SPA17: variants seen among roughly 807,000 people sequenced by gnomAD.
SPA17 encodes the protein sperm autoantigenic protein 17, also known as sperm surface protein Sp17.
Under a neutral mutation model 13.8 loss-of-function variants are expected in SPA17, and 7 were observed. That is an observed-to-expected ratio of 0.51 (90% CI 0.29 to 0.95). SPA17 has a LOEUF of 0.95. Among genes scored for constraint, SPA17 ranks in the 40% least tolerant of loss-of-function variants. SPA17 has a pLI of 0.08. For missense variants in SPA17, 170 were observed against 179.3 expected, an observed-to-expected ratio of 0.95 and a Z score of 0.30; for synonymous variants, 61 against 59.0, an observed-to-expected ratio of 1.03 and a Z score of -0.16.
At chr11:124,694,239 T>C in intron 4 of SPA17, 64 bp from the exon 5 acceptor site, 1 of 1,562,562 alleles carries the variant, frequency 6.4e-7, no homozygotes, top group South Asian at 1.2e-5. Context: ...CATCCATTTA[T>C]TTTTGTGGCA....
At chr11:124,683,468 A>G (rs1000297954) in intron 3 of SPA17, among the ~76,000 whole-genome samples, 2 of 152,014 alleles carry the variant, frequency 1.3e-5, no homozygotes, top group African/African-American at 4.8e-5. Flanking sequence ...ACATATCAAT[A>G]ATAACTTTAA....
At chr11:124,692,076 C>T (rs1943627814) in intron 4 of SPA17, among the ~76,000 whole-genome samples, 1 of 152,166 alleles carries the variant, frequency 6.6e-6, no homozygotes, top group Admixed American at 6.5e-5. Context: ...CAGTCATGAT[C>T]CTTCAGATTC....
In SPA17 at chr11:124,695,084, G is replaced by A. The variant is rs1372009828; in HGVS notation, c.*638G>A. 6.6e-6 allele frequency: 1 copy of A among 152,648 alleles called. No homozygotes were observed. The highest frequency in any genetic ancestry group is 1.5e-5 in the Non-Finnish European group (1 of 68,416). The allele number at this position is 152,648 out of a possible 1,614,324, so 9.5% of individuals were successfully genotyped here. On this transcript the variant is annotated 3_prime_UTR_variant, in exon 5 of 5. Coordinates refer to ENST00000227135, the MANE Select transcript of SPA17 (RefSeq NM_017425.4). ...ATCGCACCACTGCACTCCAGCCTGG[G>A]CGACAGAGCAAGACTCTGTCTCAAA...
chr11:124,679,914 TA>T (rs1408724953), intron 2 of SPA17, among the ~76,000 whole-genome samples: 1 of 152,188 alleles, frequency 6.6e-6, no homozygotes, highest in Non-Finnish European at 1.5e-5. Context: ...TCCATTTTCT[TA>T]AACATTCGTG....
chr11:124,676,806 G>C (rs765119217), intron 2 of SPA17, among the ~76,000 whole-genome samples: 8 of 152,076 alleles, frequency 5.3e-5, no homozygotes, highest in Non-Finnish European at 1.0e-4. Context: ...TGATTACCTT[G>C]GTGACAAAAT....
At chr11:124,689,200 T>TG (rs1943601934) in intron 3 of SPA17, among the ~76,000 whole-genome samples, 1 of 152,120 alleles carries the variant, frequency 6.6e-6, no homozygotes, top group South Asian at 2.1e-4. Context: ...GACCTAAAAC[T>TG]GTAAAAATAC....
chr11:124,682,478 A>G (rs763585015), intron 3 of SPA17, among the ~76,000 whole-genome samples: 5 of 152,194 alleles, frequency 3.3e-5, no homozygotes, highest in African/African-American at 1.2e-4. Context: ...CTGAAAACCA[A>G]TACAAAGAAC....
chr11:124,681,677 T>C (rs1565424335), intron 3 of SPA17, among the ~76,000 whole-genome samples: 1 of 151,970 alleles, frequency 6.6e-6, no homozygotes, highest in Non-Finnish European at 1.5e-5. Context: ...TTAAAACTTA[T>C]TAAATTAAAA....
chr11:124,690,028 T>TAAA (rs1453490962), intron 3 of SPA17, among the ~76,000 whole-genome samples: 3 of 152,294 alleles, frequency 2.0e-5, no homozygotes, highest in African/African-American at 7.2e-5. Context: ...TGTAAATTAG[T>TAAA]ATAGCCTCTA....
chr11:124,687,914 T>C (rs952925018), intron 3 of SPA17, among the ~76,000 whole-genome samples: 3 of 152,052 alleles, frequency 2.0e-5, no homozygotes, highest in Non-Finnish European at 2.9e-5. Context: ...CTATTCAACA[T>C]AGTACTGGAA....
chr11:124,681,983 G>T (rs1305841024), intron 3 of SPA17, among the ~76,000 whole-genome samples: 1 of 152,164 alleles, frequency 6.6e-6, no homozygotes, highest in Non-Finnish European at 1.5e-5. Flanking sequence ...AGAATTAAAG[G>T]TGGTAATGGT....
At chr11:124,694,152 TACAATGTG>T (rs1943650836) in intron 4 of SPA17, 143 bp from the exon 5 acceptor site, 1 of 958,390 alleles carries the variant, frequency 1.0e-6, no homozygotes, top group East Asian at 2.7e-5. Flanking sequence ...TTGGTACATA[TACAATGTG>T]ACAATATATG....
Position 124,695,097 on chromosome 11 carries a change from ACT to A in SPA17, c.*654_*655del, listed in dbSNP as rs1490301922. On this transcript the variant is annotated 3_prime_UTR_variant, in exon 5 of 5. Transcript: ENST00000227135. ...ACTCCAGCCTGGGCGACAGAGCAAGACTCTGTCTCAAAAACAAAACAAAACAA... is the reference window on the plus strand; with the variant it reads ...ACTCCAGCCTGGGCGACAGAGCAAGACTGTCTCAAAAACAAAACAAAACAA... The A allele has an allele frequency of 1.3e-5, 2 of 152,518 alleles. No individual in the cohort carries two copies. Among genetic ancestry groups the A allele is most frequent in the Non-Finnish European group, 2.9e-5 (2 of 68,376 alleles). 9.4% of individuals were successfully genotyped at this position (152,518 alleles called of 1,614,324 possible). A position where few individuals can be genotyped will look rare whatever the true frequency, so the allele number is the denominator to read the frequency against.
chr11:124,674,930 T>G (rs1591401081), intron 1 of SPA17: 1 of 169,570 alleles, frequency 5.9e-6, no homozygotes, highest in East Asian at 1.6e-4. Context: ...TCCTGTGTGA[T>G]AGCAAAAATT....
chr11:124,693,942 T>C lies in SPA17; in HGVS notation c.313-361T>C, dbSNP rs180863842. ...ATTGTGATTATTTTGAAACATAACA[T>C]TTACAGTTCTTTCTTCTTAACATTT... On this transcript the variant is annotated intron_variant, in intron 4 of 4. Transcript: ENST00000227135. Among the ~76,000 whole-genome samples, 289 of 152,340 alleles carry C rather than the reference T, an allele frequency of 1.9e-3. 2 individuals carry two copies. Among genetic ancestry groups the C allele is most frequent in the Non-Finnish European group, 3.5e-3 (237 of 68,030 alleles).
At chr11:124,688,169 A>C (rs1431243034) in intron 3 of SPA17, among the ~76,000 whole-genome samples, 2 of 152,158 alleles carry the variant, frequency 1.3e-5, no homozygotes, top group African/African-American at 4.8e-5. Flanking sequence ...ATGTGCCACC[A>C]CACTGAATAA....
chr11:124,691,744 A>G lies in SPA17; in HGVS notation c.274A>G (p.Ile92Val), dbSNP rs1036244427. 1 of 1,612,616 alleles carries G rather than the reference A, an allele frequency of 6.2e-7. No homozygotes were observed. Among genetic ancestry groups the G allele is most frequent in the African/African-American group, 1.3e-5 (1 of 74,978 alleles). ...TGATCCTAAACAAGAAGAGTCTCAGATATCTGGGAAGGAGGAAGAGACATC... is the reference window on the plus strand; with the variant it reads ...TGATCCTAAACAAGAAGAGTCTCAGGTATCTGGGAAGGAGGAAGAGACATC... ...KSDPKQEESQ[I>V]SGKEEETSVT... Residue 92 changes from isoleucine to valine, a missense_variant, in exon 4 of 5, where the codon ATA becomes GTA. Transcript: ENST00000227135.
intron 2 of SPA17, 145 bp downstream of exon 2, chr11:124,675,563 G>T (rs1244026453): frequency 5.2e-6 from 4 of 769,338 alleles, no homozygotes; most frequent in Non-Finnish European, 6.1e-6. Flanking sequence ...CTTTGAAACA[G>T]TATGTACCTC....
rs1471231462 is a variant in SPA17, at chr11:124,696,414, AGAT to A, written c.*1971_*1973del. ...GAGTATATAGCAGGAAAAAAAAAAA[AGAT>A]GAGTTAGCTTTTTCAGTAATTCTCC... On this transcript the variant is annotated 3_prime_UTR_variant, in exon 5 of 5. Coordinates refer to ENST00000227135, the MANE Select transcript of SPA17 (RefSeq NM_017425.4). 6.6e-6 allele frequency: 1 copy of A among 151,970 alleles called. No individual in the cohort carries two copies. The highest frequency in any genetic ancestry group is 2.4e-5 in the African/African-American group (1 of 41,306). The allele number at this position is 151,970 out of a possible 1,614,324, so 9.4% of individuals were successfully genotyped here. A position where few individuals can be genotyped will look rare whatever the true frequency, so the allele number is the denominator to read the frequency against.
Sources: allele counts gnomAD v4.1 joint callset (sites outside exome capture counted in the v4.1 genomes callset), GRCh38; gene constraint gnomAD v4.1.1; transcripts MANE v1.5; gene names NCBI Gene and HGNC (gene_info 2026-07-23, HGNC 2026-07-21).